The following EML2 variants were observed in gnomAD, a reference collection of about 807,000 sequenced individuals.
EML2 encodes EMAP like 2, also known as echinoderm microtubule-associated protein-like 2.
Under a neutral mutation model 84.7 loss-of-function variants are expected in EML2, and 59 were observed. The observed-to-expected ratio is 0.70, with a 90% CI of 0.56 to 0.86. EML2 has a LOEUF of 0.86. Among genes scored for constraint, EML2 ranks in the 40% least tolerant of loss-of-function variants. The pLI is 0.00. For missense variants in EML2, 818 were observed against 855.6 expected, an observed-to-expected ratio of 0.96 and a Z score of 0.55; for synonymous variants, 352 against 348.9, an observed-to-expected ratio of 1.01 and a Z score of -0.10.
At position 45,637,656 on chromosome 19, in the gene EML2, CTTTTTCTTTTCTTTTTTT is replaced by C. The variant is rs1568486572; in HGVS notation, c.179+831_179+848del. 2.3e-3 allele frequency among the ~76,000 whole-genome samples: 229 copies of C among 98,840 alleles called. 6 individuals are homozygous for C. Among genetic ancestry groups the C allele is most frequent in the South Asian group, 0.018 (55 of 3,072 alleles). The allele number at this position is 98,840 out of a possible 152,430, so 64.8% of individuals were successfully genotyped here. On this transcript the variant is annotated intron_variant, in intron 3 of 18. Coordinates refer to ENST00000245925, the MANE Select transcript of EML2 (RefSeq NM_012155.4). ...CACCATGGCTGGCTATTTTTTTTTTCTTTTTCTTTTCTTTTTTTTTTTTTTTTTTTTTTTTTTGAGACG... is the reference window on the plus strand; with the variant it reads ...CACCATGGCTGGCTATTTTTTTTTTCTTTTTTTTTTTTTTTTTTTGAGACG...
chr19:45,624,911 T>C, intron 8 of EML2, 93 bp from the exon 9 acceptor site: 1 of 842,050 alleles, frequency 1.2e-6, no homozygotes, highest in Non-Finnish European at 2.0e-6. Context: ...GGCCAGGCAA[T>C]CCCCTCTATC....
chr19:45,618,478 T>C (rs1971332872), intron 12 of EML2, among the ~76,000 whole-genome samples: 1 of 152,032 alleles, frequency 6.6e-6, no homozygotes, highest in Admixed American at 6.6e-5. Context: ...GTTGCAGCGG[T>C]CACACCTTCC....
At position 45,638,834 on chromosome 19, in the gene EML2, T is replaced by G. The variant is rs199592530; in HGVS notation, c.49+11A>C. The G allele has an allele frequency of 1.3e-4, 203 of 1,611,364 alleles. 1 individual carries two copies. The African/African-American group carries it at 1.9e-3, about 15-fold the overall frequency. On this transcript the variant is annotated intron_variant, in intron 2 of 18. Transcript: ENST00000245925. ...AGCTTCCACCGAGCCCTTCCCCATC[T>G]CCCCACTCACCCACACTGAAGATAA...
chr19:45,609,512 T>G lies in EML2; in HGVS notation c.*151A>C. On this transcript the variant is annotated 3_prime_UTR_variant, in exon 19 of 19. Coordinates refer to ENST00000245925, the MANE Select transcript of EML2 (RefSeq NM_012155.4). Reference sequence around the variant, plus strand: ...ATGTGACTCCCTCTTCCCACCCGGATAAATAGAGACTTCTGTATGTCAGTC... The same window carrying G: ...ATGTGACTCCCTCTTCCCACCCGGAGAAATAGAGACTTCTGTATGTCAGTC... The G allele has an allele frequency of 2.3e-6, 2 of 855,970 alleles. No individual in the cohort carries two copies. The highest frequency in any genetic ancestry group is 3.2e-6 in the Non-Finnish European group (2 of 625,376). 53.0% of individuals were successfully genotyped at this position (855,970 alleles called of 1,614,324 possible).
rs558340655 is a variant in EML2, at chr19:45,610,902, G to A, written c.1825-1114C>T. 1.2e-3 allele frequency among the ~76,000 whole-genome samples: 177 copies of A among 152,254 alleles called. 2 individuals carry two copies. The highest frequency in any genetic ancestry group is 3.8e-3 in the African/African-American group (158 of 41,542). On this transcript the variant is annotated intron_variant, in intron 18 of 18. Coordinates refer to ENST00000245925, the MANE Select transcript of EML2 (RefSeq NM_012155.4). Reference sequence around the variant, plus strand: ...GAATTGGTTTATTCAGCAAGTTAATGGCATAAATAGAAGAAATAGCATGCA... The same window carrying A: ...GAATTGGTTTATTCAGCAAGTTAATAGCATAAATAGAAGAAATAGCATGCA...
intron 16 of EML2, among the ~76,000 whole-genome samples, chr19:45,615,359 A>G (rs1970913561): frequency 6.7e-6 from 1 of 150,302 alleles, no homozygotes; most frequent in African/African-American, 2.4e-5. Flanking sequence ...AAAAAATACA[A>G]ATACAAATAT....
At position 45,634,082 on chromosome 19, in the gene EML2, CA is replaced by C. The variant is rs147797356; in HGVS notation, c.329+239del. On this transcript the variant is annotated intron_variant, in intron 4 of 18. Coordinates refer to ENST00000245925, the MANE Select transcript of EML2 (RefSeq NM_012155.4). ...CCTCAACCTCCTGAGTAGCTGGGAC[CA>C]TAAGGGCTTACCACCACACCCAACT... Among the ~76,000 whole-genome samples, 22 of 152,086 alleles carry C rather than the reference CA, an allele frequency of 1.4e-4. 1 individual carries two copies. The East Asian group carries it at 4.3e-3, about 29-fold the overall frequency.
intron 18 of EML2, among the ~76,000 whole-genome samples, chr19:45,613,130 C>A (rs1970665998): frequency 6.6e-6 from 1 of 152,080 alleles, no homozygotes; most frequent in South Asian, 2.1e-4. Context: ...AACTCCTGGC[C>A]TCAAGCAATC....
intron 3 of EML2, among the ~76,000 whole-genome samples, chr19:45,635,469 G>A (rs892203822): frequency 6.6e-6 from 1 of 151,586 alleles, no homozygotes; most frequent in Middle Eastern, 3.5e-3. Context: ...ACACACACTG[G>A]CTGAGGACCA....
chr19:45,610,108 C>T (rs1339194400), intron 18 of EML2, among the ~76,000 whole-genome samples: 1 of 152,168 alleles, frequency 6.6e-6, no homozygotes, highest in Non-Finnish European at 1.5e-5. Context: ...TGTTTAAGAA[C>T]CAACAGAGGC....
In EML2 at chr19:45,639,349, G is replaced by T; in HGVS notation, c.20+8C>A. 1.5e-6 allele frequency: 2 copies of T among 1,305,722 alleles called. No individual in the cohort carries two copies. Among genetic ancestry groups the T allele is most frequent in the Non-Finnish European group, 2.0e-6 (2 of 1,020,198 alleles). 80.9% of individuals were successfully genotyped at this position (1,305,722 alleles called of 1,614,324 possible). On this transcript the variant is annotated splice_region_variant and intron_variant, in intron 1 of 18. Transcript: ENST00000245925. ...GGAGATGGGGGGTGGTCTGCGAAAG[G>T]GTCTCACCCAGCTCCAAAGCTACTC...
chr19:45,613,751 C>T, intron 17 of EML2, 80 bp from the exon 18 acceptor site: 1 of 1,553,290 alleles, frequency 6.4e-7, no homozygotes, highest in Non-Finnish European at 8.8e-7. Flanking sequence ...CCACTCCAGC[C>T]ACCTTAATTT....
intron 6 of EML2, among the ~76,000 whole-genome samples, chr19:45,631,884 ATTTTTTTT>A (rs755529171): frequency 8.9e-5 from 8 of 90,318 alleles, no homozygotes; most frequent in Non-Finnish European, 1.5e-4. Context: ...GCTAATTAGA[ATTTTTTTT>A]TTTTTTTTTT....
intron 1 of EML2, 28 bp from the exon 2 acceptor site, chr19:45,638,901 A>AG (rs1002809443): frequency 6.2e-7 from 1 of 1,613,348 alleles, no homozygotes; most frequent in Non-Finnish European, 8.5e-7. Flanking sequence ...AGAAAAAAAA[A>AG]GGGTCTTAGT....
At chr19:45,631,138 C>T (rs1165182928) in intron 6 of EML2, among the ~76,000 whole-genome samples, 3 of 152,262 alleles carry the variant, frequency 2.0e-5, no homozygotes, top group East Asian at 1.9e-4. Flanking sequence ...TGAGCCACCT[C>T]GCCTGGCCAA....
chr19:45,642,972 G>A (rs1418205253), upstream of EML2: 2 of 137,680 alleles, frequency 1.5e-5, no homozygotes, highest in African/African-American at 2.7e-5. Context: ...GCCACAAAGC[G>A]AGACTCCGTC....
intron 3 of EML2, among the ~76,000 whole-genome samples, chr19:45,638,154 G>T (rs1402051657): frequency 6.6e-6 from 1 of 152,166 alleles, no homozygotes; most frequent in African/African-American, 2.4e-5. Flanking sequence ...TATTTCACAG[G>T]TCTATGGACC....
intron 13 of EML2, 66 bp from the exon 14 acceptor site, chr19:45,616,919 T>A: frequency 8.1e-7 from 1 of 1,233,350 alleles, no homozygotes; most frequent in Non-Finnish European, 1.2e-6. Flanking sequence ...GGCCGCAATC[T>A]GTGGGGTCTA....
upstream of EML2, among the ~76,000 whole-genome samples, chr19:45,643,254 C>T (rs1368043990): frequency 1.3e-5 from 2 of 152,192 alleles, no homozygotes; most frequent in African/African-American, 4.8e-5. Flanking sequence ...TGGGGTTCGA[C>T]CCTAGAGCCA....
Sources: gnomAD v4.1 joint callset for allele counts (sites outside exome capture counted in the v4.1 genomes callset) on GRCh38, gnomAD v4.1.1 for gene constraint, MANE v1.5 for transcripts, NCBI Gene and HGNC (gene_info 2026-07-23, HGNC 2026-07-21) for gene names.